FAM83F: variants seen among roughly 807,000 people sequenced by gnomAD.
FAM83F encodes the protein protein FAM83F.
FAM83F carries 45 observed loss-of-function variants against 42.9 expected under a neutral mutation model. The ratio of observed to expected loss-of-function variants is 1.05; its 90% CI spans 0.83 to 1.35. FAM83F has a LOEUF of 1.35. Ranked by LOEUF, FAM83F falls within the 40% of genes most tolerant of loss-of-function variation. The pLI, the probability that FAM83F is intolerant of heterozygous loss-of-function variation, is 0.00. For synonymous variants in FAM83F, 306 were observed against 298.3 expected, an observed-to-expected ratio of 1.03 and a Z score of -0.27; for missense variants, 617 against 695.9, an observed-to-expected ratio of 0.89 and a Z score of 1.28.
rs2067598680 is a variant in FAM83F at position 40,032,881 on chromosome 22, G to A, written c.*3316G>A. On this transcript the variant is annotated 3_prime_UTR_variant, in exon 5 of 5. Coordinates refer to ENST00000333407, the MANE Select transcript of FAM83F (RefSeq NM_138435.4). ...CCCGGCCAGGCTATTTTTTTGTTTT[G>A]TTTTTGTTTACTACTGTATTGCTTT... is the stretch of plus-strand genomic sequence containing the variant. The A allele has an allele frequency of 6.6e-6, 1 of 151,912 alleles. No homozygotes were observed. The highest frequency in any genetic ancestry group is 6.6e-5 in the Admixed American group (1 of 15,240). The allele number at this position is 151,912 out of a possible 1,614,324, so 9.4% of individuals were successfully genotyped here.
At chr22:40,019,765 A>G in intron 2 of FAM83F, 122 bp from the exon 3 acceptor site, 1 of 1,339,082 alleles carries the variant, frequency 7.5e-7, no homozygotes, top group Non-Finnish European at 1.0e-6. Context: ...CAGAGCGTCT[A>G]GTGAAGACAG....
rs1373637660 is a variant in FAM83F at position 39,995,229 on chromosome 22, G to T, written c.187G>T (p.Glu63Ter). ...EQLRDFLSSPERQALRAAWSP... is the reference protein window; with the variant it reads ...EQLRDFLSSP ...GCTGCGGGACTTCCTCTCCAGCCCG[G>T]AGCGCCAGGCCCTGCGGGCCGCCTG... Residue 63 changes from glutamate (E) to a stop codon, truncating the protein, a stop_gained, in exon 1 of 5, where the codon GAG becomes TAG. Transcript: ENST00000333407. LOFTEE classifies it high-confidence loss of function. The surrounding 1 kb of genome is among the most constrained non-coding windows in gnomAD (Gnocchi z 4.6). The T allele has an allele frequency of 1.7e-5, 26 of 1,533,394 alleles. No homozygotes were observed. Among genetic ancestry groups the T allele is most frequent in the Non-Finnish European group, 2.3e-5 (26 of 1,145,430 alleles). 95.0% of individuals were successfully genotyped at this position (1,533,394 alleles called of 1,614,324 possible).
chr22:40,031,756 T>C lies in FAM83F; in HGVS notation c.*2191T>C, dbSNP rs2146248213. 1 of 152,398 alleles carries C rather than the reference T, an allele frequency of 6.6e-6. No homozygotes were observed. 9.4% of individuals were successfully genotyped at this position (152,398 alleles called of 1,614,324 possible). A position where few individuals can be genotyped will look rare whatever the true frequency, so the allele number is the denominator to read the frequency against. On this transcript the variant is annotated 3_prime_UTR_variant, in exon 5 of 5. Coordinates refer to ENST00000333407, the MANE Select transcript of FAM83F (RefSeq NM_138435.4). ...CAGGGTGCCTCTCCCTGCTGGCCTG[T>C]GTCCTCGTCCTTATAGCAGTGTGGA... is the stretch of plus-strand genomic sequence containing the variant.
chr22:40,015,785 C>G (rs1034528674), intron 1 of FAM83F, among the ~76,000 whole-genome samples: 1 of 152,210 alleles, frequency 6.6e-6, no homozygotes, highest in Non-Finnish European at 1.5e-5. Flanking sequence ...CATCACATGT[C>G]ATGTTCTTAA....
At chr22:40,002,386 G>A (rs2067406904) in intron 1 of FAM83F, among the ~76,000 whole-genome samples, 1 of 152,222 alleles carries the variant, frequency 6.6e-6, no homozygotes, top group Non-Finnish European at 1.5e-5. Flanking sequence ...GGAGGGGAGA[G>A]TTGGCTCCTC....
In FAM83F at chr22:40,034,232, CCA is replaced by C; in HGVS notation, c.*4671_*4672del. The C allele has an allele frequency of 6.6e-6, 1 of 152,384 alleles. No individual in the cohort carries two copies. The highest frequency in any genetic ancestry group is 1.9e-4 in the East Asian group (1 of 5,188). The allele number at this position is 152,384 out of a possible 1,614,324, so 9.4% of individuals were successfully genotyped here. A position where few individuals can be genotyped will look rare whatever the true frequency, so the allele number is the denominator to read the frequency against. Reference sequence around the variant, plus strand: ...ATGCAATTTCTCATCTGGCAGTGCGCCACACTCCTGCCTCCCTGCCCAAAGGA... The same window carrying C: ...ATGCAATTTCTCATCTGGCAGTGCGCCACTCCTGCCTCCCTGCCCAAAGGA... On this transcript the variant is annotated 3_prime_UTR_variant, in exon 5 of 5. Coordinates refer to ENST00000333407, the MANE Select transcript of FAM83F (RefSeq NM_138435.4).
intron 4 of FAM83F, among the ~76,000 whole-genome samples, chr22:40,027,868 A>G (rs1170360600): frequency 2.2e-5 from 1 of 46,230 alleles, no homozygotes; most frequent in South Asian, 6.9e-4. Context: ...ACCCACCACC[A>G]TCCCACCCCC....
At chr22:40,016,303 A>C (rs1343621824) in intron 1 of FAM83F, among the ~76,000 whole-genome samples, 8 of 152,156 alleles carry the variant, frequency 5.3e-5, no homozygotes, top group Non-Finnish European at 5.9e-5. Flanking sequence ...CATAGGCTCA[A>C]GCAATCCTCC....
chr22:40,024,561 G>T (rs2067540282), intron 4 of FAM83F, among the ~76,000 whole-genome samples: 1 of 152,196 alleles, frequency 6.6e-6, no homozygotes, highest in Non-Finnish European at 1.5e-5. Flanking sequence ...CTGCCACCTG[G>T]CTCTCAATTC....
Position 40,021,660 on chromosome 22 carries a change from G to C in FAM83F, c.1150G>C (p.Val384Leu). The stretch of plus-strand genomic sequence containing the variant: ...GAAAGACCTGGTTACGGTGGAGCAG[G>C]TGCTGCCCCCCGTGGAGCCCATCCC... ...FLKDLVTVEQ[V>L]LPPVEPIPLG... Residue 384 changes from valine to leucine, a missense_variant, in exon 4 of 5, where the codon GTG becomes CTG. Val to Leu is a conservative substitution (Grantham distance 32, BLOSUM62 1). Coordinates refer to ENST00000333407, the MANE Select transcript of FAM83F (RefSeq NM_138435.4). The surrounding 1 kb of genome is among the most constrained non-coding windows in gnomAD (Gnocchi z 8.7). The C allele has an allele frequency of 6.2e-7, 1 of 1,608,734 alleles. No individual in the cohort carries two copies. Among genetic ancestry groups the C allele is most frequent in the Non-Finnish European group, 8.5e-7 (1 of 1,176,276 alleles).
At position 40,013,082 on chromosome 22, in the gene FAM83F, C is replaced by CAAAAAAAAA. The variant is rs754625979; in HGVS notation, c.490-6069_490-6061dup. Among the ~76,000 whole-genome samples, 6 of 46,394 alleles carry CAAAAAAAAA rather than the reference C, an allele frequency of 1.3e-4. No homozygotes were observed. The East Asian group carries it at 2.4e-3, about 19-fold the overall frequency. The allele number at this position is 46,394 out of a possible 152,430, so 30.4% of individuals were successfully genotyped here. On this transcript the variant is annotated intron_variant, in intron 1 of 4. Transcript: ENST00000333407. ...TGGGCGACAGAGCGAGACTCCGTTT[C>CAAAAAAAAA]AAAAAAAAAAAAAAAAAAAAAAAAA...
chr22:40,003,137 A>G (rs1384668552), intron 1 of FAM83F, among the ~76,000 whole-genome samples: 4 of 152,156 alleles, frequency 2.6e-5, no homozygotes, highest in Admixed American at 1.3e-4. Context: ...AGACAAGTAC[A>G]CAACTGCCAG....
At chr22:40,024,821 A>G (rs563932403) in intron 4 of FAM83F, among the ~76,000 whole-genome samples, 12 of 152,334 alleles carry the variant, frequency 7.9e-5, no homozygotes, top group African/African-American at 1.7e-4. Flanking sequence ...GATAAGGAGT[A>G]TATAGTTGTC....
chr22:40,023,084 C>T lies in FAM83F; in HGVS notation c.1453+1121C>T, dbSNP rs557393341. On this transcript the variant is annotated intron_variant, in intron 4 of 4. Transcript: ENST00000333407. This position sits in a 1 kb window ranked among gnomAD's most constrained non-coding sequence, Gnocchi z 4.1. Reference sequence around the variant, plus strand: ...CAGTGGGAGTGTCAGGGCGTTCCTTCTGTTTGGCCTGGAGACGTTGACTGA... The same window carrying T: ...CAGTGGGAGTGTCAGGGCGTTCCTTTTGTTTGGCCTGGAGACGTTGACTGA... Among the ~76,000 whole-genome samples the T allele has an allele frequency of 1.5e-4, 23 of 152,354 alleles. No individual in the cohort carries two copies. Among genetic ancestry groups the T allele is most frequent in the Non-Finnish European group, 2.8e-4 (19 of 68,042 alleles).
At position 40,043,259 on chromosome 22, in the gene FAM83F, T is replaced by C. The variant is rs1340030544; in HGVS notation, c.*13694T>C. ...GGGATGGGGATTTGGGACGGTAAAA[T>C]GTTAATTACCCAAGATGGAATGTGG... On this transcript the variant is annotated 3_prime_UTR_variant, in exon 5 of 5. Coordinates refer to ENST00000333407, the MANE Select transcript of FAM83F (RefSeq NM_138435.4). The C allele has an allele frequency of 6.6e-6, 1 of 152,132 alleles. No homozygotes were observed. Among genetic ancestry groups the C allele is most frequent in the Non-Finnish European group, 1.5e-5 (1 of 68,020 alleles). 9.4% of individuals were successfully genotyped at this position (152,132 alleles called of 1,614,324 possible).
chr22:40,038,051 T>C lies in FAM83F; in HGVS notation c.*8486T>C, dbSNP rs1288352760. ...ATTTTTTCATTCATTCATTCGTTCA[T>C]TCATTTGTTCAAACGAACTTATTGA... On this transcript the variant is annotated 3_prime_UTR_variant, in exon 5 of 5. Coordinates refer to ENST00000333407, the MANE Select transcript of FAM83F (RefSeq NM_138435.4). The C allele has an allele frequency of 6.6e-6, 1 of 152,268 alleles. No homozygotes were observed. The highest frequency in any genetic ancestry group is 1.9e-4 in the East Asian group (1 of 5,200). 9.4% of individuals were successfully genotyped at this position (152,268 alleles called of 1,614,324 possible).
chr22:40,002,041 AGCTGCCTTCGG>A (rs1404512413), intron 1 of FAM83F, among the ~76,000 whole-genome samples: 4 of 152,194 alleles, frequency 2.6e-5, no homozygotes, highest in Non-Finnish European at 5.9e-5. Context: ...CCGGCCTCCG[AGCTGCCTTCGG>A]GAGGCTGTGG....
In FAM83F at chr22:40,034,440, A is replaced by T. The variant is rs933504584; in HGVS notation, c.*4875A>T. 1 of 152,284 alleles carries T rather than the reference A, an allele frequency of 6.6e-6. No individual in the cohort carries two copies. Among genetic ancestry groups the T allele is most frequent in the Non-Finnish European group, 1.5e-5 (1 of 68,094 alleles). 9.4% of individuals were successfully genotyped at this position (152,284 alleles called of 1,614,324 possible). ...AAGTAACCATGAGATCAGCCCAGAG[A>T]CCTTGCACAGTTAGGCAGGCCTGGA... On this transcript the variant is annotated 3_prime_UTR_variant, in exon 5 of 5. Coordinates refer to ENST00000333407, the MANE Select transcript of FAM83F (RefSeq NM_138435.4).
chr22:39,995,247 G>T lies in FAM83F; in HGVS notation c.205G>T (p.Ala69Ser), dbSNP rs773695733. 6.5e-7 allele frequency: 1 copy of T among 1,534,408 alleles called. No homozygotes were observed. The highest frequency in any genetic ancestry group is 2.0e-5 in the Admixed American group (1 of 50,852). ...CAGCCCGGAGCGCCAGGCCCTGCGG[G>T]CCGCCTGGAGCCCCTACGAGGACGC... ...LSSPERQALR[A>S]AWSPYEDAVP... Residue 69 changes from alanine to serine, a missense_variant, in exon 1 of 5, where the codon GCC becomes TCC. By Grantham distance (99) the Ala-to-Ser change is moderately conservative. Transcript: ENST00000333407. This position sits in a 1 kb window ranked among gnomAD's most constrained non-coding sequence, Gnocchi z 4.6.
Sources: allele counts gnomAD v4.1 joint callset (sites outside exome capture counted in the v4.1 genomes callset), GRCh38; gene constraint gnomAD v4.1.1; non-coding constraint Gnocchi (gnomAD v3.1); transcripts MANE v1.5; gene names NCBI Gene and HGNC (gene_info 2026-07-23, HGNC 2026-07-21).